Variants in OPHN1 observed in about 807,000 individuals in gnomAD.
The protein encoded by OPHN1 is oligophrenin 1, also known as oligophrenin-1.
A neutral mutation model predicts 60.7 loss-of-function variants in OPHN1; 11 were observed. The ratio of observed to expected loss-of-function variants is 0.18; its 90% CI spans 0.11 to 0.30. The LOEUF (loss-of-function observed/expected upper bound fraction) is 0.30. Among genes scored for constraint, OPHN1 ranks in the 10% least tolerant of loss-of-function variants. OPHN1 has a pLI of 1.00. For missense variants in OPHN1, 449 were observed against 611.0 expected (o/e 0.73, Z 2.80); for synonymous variants, 226 against 222.6 (o/e 1.02, Z -0.14).
intron 15 of OPHN1, among the ~76,000 whole-genome samples, chrX:68,179,420 T>C (rs1479692999): frequency 8.9e-6 from 1 of 112,015 alleles, no homozygotes; most frequent in Admixed American, 9.5e-5. Flanking sequence ...TATAAAACAT[T>C]TATATTATGA....
At chrX:68,391,401 C>G (rs2078653262) in intron 2 of OPHN1, among the ~76,000 whole-genome samples, 1 of 111,139 alleles carries the variant, frequency 9.0e-6, no homozygotes, top group East Asian at 2.8e-4. Context: ...AATACAGAGA[C>G]ACAAACTCAA....
intron 19 of OPHN1, among the ~76,000 whole-genome samples, chrX:68,080,931 G>A (rs1282735820): frequency 1.8e-5 from 2 of 111,719 alleles, no homozygotes; most frequent in African/African-American, 6.5e-5. Flanking sequence ...CCAATAGAGA[G>A]GTAAGTTCCC....
In OPHN1 at chrX:68,213,842, C is replaced by A; in HGVS notation, c.597+20G>T. ...ATTTGATAAATATTTTTAGACCATT[C>A]ATCAACAGAGAAAACTTACAGGCTC... On this transcript the variant is annotated intron_variant, in intron 7 of 24. Coordinates refer to ENST00000355520, the MANE Select transcript of OPHN1 (RefSeq NM_002547.3). The A allele has an allele frequency of 1.1e-6, 1 of 939,354 alleles. No individual in the cohort carries two copies. The highest frequency in any genetic ancestry group is 1.5e-6 in the Non-Finnish European group (1 of 651,013). 77.4% of individuals were successfully genotyped at this position (939,354 alleles called of 1,213,427 possible).
At chrX:68,212,396 C>T (rs1286832246) in intron 7 of OPHN1, among the ~76,000 whole-genome samples, 184 bp from the exon 8 acceptor site, 2 of 110,973 alleles carry the variant, frequency 1.8e-5, no homozygotes, top group Non-Finnish European at 3.8e-5. Flanking sequence ...ACCAGCCTGA[C>T]CAACATGGTG....
In OPHN1 at chrX:68,315,364, G is replaced by A. The variant is rs1268769564; in HGVS notation, c.155-16268C>T. 2.7e-5 allele frequency among the ~76,000 whole-genome samples: 3 copies of A among 111,584 alleles called. No individual in the cohort carries two copies. The East Asian group carries it at 8.4e-4, about 31-fold the overall frequency. On this transcript the variant is annotated intron_variant, in intron 2 of 24. Coordinates refer to ENST00000355520, the MANE Select transcript of OPHN1 (RefSeq NM_002547.3). ...GAAACATACTCATCTCGATTTATGC[G>A]AAGTCATTCTACACATTTCATTTGA...
chrX:68,353,844 G>C (rs1043715356), intron 2 of OPHN1, among the ~76,000 whole-genome samples: 13 of 111,389 alleles, frequency 1.2e-4, no homozygotes, highest in African/African-American at 1.6e-4. Flanking sequence ...GCATAAATTA[G>C]TCTTTTTTTC....
chrX:68,224,727 A>T (rs1196333121), intron 6 of OPHN1, among the ~76,000 whole-genome samples: 1 of 112,365 alleles, frequency 8.9e-6, no homozygotes, highest in Non-Finnish European at 1.9e-5. Context: ...AATAAGAAAA[A>T]ATAAACATTA....
intron 15 of OPHN1, among the ~76,000 whole-genome samples, chrX:68,165,361 T>A (rs1404611974): frequency 9.0e-6 from 1 of 111,290 alleles, no homozygotes; most frequent in African/African-American, 3.3e-5. Flanking sequence ...GTGACTCACT[T>A]GGACCCTAAG....
intron 6 of OPHN1, among the ~76,000 whole-genome samples, chrX:68,223,844 GA>G (rs779489410): frequency 2.7e-5 from 3 of 110,777 alleles, no homozygotes; most frequent in East Asian, 5.7e-4. Context: ...AACTACCAAG[GA>G]AAAATATTAT....
intron 2 of OPHN1, among the ~76,000 whole-genome samples, chrX:68,352,108 C>A (rs1194571607): frequency 9.2e-6 from 1 of 108,882 alleles, no homozygotes; most frequent in Non-Finnish European, 1.9e-5. Flanking sequence ...CTCCTGACCT[C>A]GTGATCTGCC....
At chrX:68,319,425 A>T (rs1569279013) in intron 2 of OPHN1, among the ~76,000 whole-genome samples, 1 of 111,054 alleles carries the variant, frequency 9.0e-6, no homozygotes, top group African/African-American at 3.3e-5. Flanking sequence ...ATAATACCAA[A>T]ATCATGACCT....
At chrX:68,361,373 G>A (rs996496373) in intron 2 of OPHN1, among the ~76,000 whole-genome samples, 16 of 108,265 alleles carry the variant, frequency 1.5e-4, no homozygotes, top group South Asian at 4.0e-4. Flanking sequence ...CCAGCTACTC[G>A]GGAGGCTGAA....
Position 68,211,452 on chromosome X carries a change from CAAG to C in OPHN1, c.702+653_702+655del, listed in dbSNP as rs1211813660. On this transcript the variant is annotated intron_variant, in intron 8 of 24. Transcript: ENST00000355520. Reference sequence around the variant, plus strand: ...TCCTACAAGAAACTGTATGTTCCTTCAAGACAGAAAAACTTGCATGCATCTTCA... The same window carrying C: ...TCCTACAAGAAACTGTATGTTCCTTCACAGAAAAACTTGCATGCATCTTCA... 5.3e-5 allele frequency among the ~76,000 whole-genome samples: 6 copies of C among 112,673 alleles called. No individual in the cohort carries two copies. The Admixed American group carries it at 5.6e-4, about 11-fold the overall frequency.
intron 2 of OPHN1, among the ~76,000 whole-genome samples, chrX:68,331,729 T>TC (rs2078295859): frequency 1.4e-5 from 1 of 70,073 alleles, no homozygotes; most frequent in Non-Finnish European, 2.5e-5. Context: ...AGACTCTGTA[T>TC]CAAAAAAAAA....
At chrX:68,176,462 A>G (rs1296354214) in intron 15 of OPHN1, among the ~76,000 whole-genome samples, 1 of 112,005 alleles carries the variant, frequency 8.9e-6, no homozygotes. Flanking sequence ...ATGCAAATCA[A>G]AACCACAATG....
chrX:68,355,537 G>T (rs2050167139), intron 2 of OPHN1, among the ~76,000 whole-genome samples: 1 of 112,311 alleles, frequency 8.9e-6, no homozygotes, highest in African/African-American at 3.2e-5. Context: ...AGACAGAAAA[G>T]AACTCCTTTC....
chrX:68,282,808 T>A (rs781075833), intron 4 of OPHN1, among the ~76,000 whole-genome samples: 1 of 111,936 alleles, frequency 8.9e-6, no homozygotes, highest in Non-Finnish European at 1.9e-5. Flanking sequence ...TAATATCCAC[T>A]GAAATTATTT....
intron 5 of OPHN1, among the ~76,000 whole-genome samples, chrX:68,258,732 G>A (rs2077878907): frequency 9.1e-6 from 1 of 110,109 alleles, no homozygotes; most frequent in Non-Finnish European, 1.9e-5. Flanking sequence ...TGAGCAAAGG[G>A]GTTTACTCTA....
intron 15 of OPHN1, among the ~76,000 whole-genome samples, chrX:68,121,209 C>T (rs368722056): frequency 4.5e-5 from 5 of 112,149 alleles, no homozygotes; most frequent in African/African-American, 1.3e-4. Context: ...GGACAACCCA[C>T]GGATTGGGTA....
Sources: allele counts gnomAD v4.1 joint callset (sites outside exome capture counted in the v4.1 genomes callset), GRCh38; gene constraint gnomAD v4.1.1; transcripts MANE v1.5; gene names NCBI Gene and HGNC (gene_info 2026-07-23, HGNC 2026-07-21).